The following SNX2 variants were observed in gnomAD, a reference collection of about 807,000 sequenced individuals.
SNX2 encodes the protein sorting nexin 2.
A neutral mutation model predicts 69.9 loss-of-function variants in SNX2; 25 were observed. The observed-to-expected ratio is 0.36, with a 90% CI of 0.26 to 0.50. The LOEUF (loss-of-function observed/expected upper bound fraction) is 0.50. Among genes scored for constraint, SNX2 ranks in the 20% least tolerant of loss-of-function variants. The pLI is 0.97. For missense variants in SNX2, 551 were observed against 613.3 expected, an observed-to-expected ratio of 0.90 and a Z score of 1.07; for synonymous variants, 229 against 200.4, an observed-to-expected ratio of 1.14 and a Z score of -1.20.
chr5:122,823,779 C>CGTGTGTGTGTGTGTGTGTGT (rs10559762), intron 11 of SNX2, among the ~76,000 whole-genome samples: 1 of 145,930 alleles, frequency 6.9e-6, no homozygotes, highest in African/African-American at 2.5e-5. Flanking sequence ...AACATGTGGT[C>CGTGTGTGTGTGTGTGTGTGT]GTGTGTGTGT....
At chr5:122,802,195 T>A in intron 5 of SNX2, 71 bp downstream of exon 5, 2 of 1,286,148 alleles carry the variant, frequency 1.6e-6, no homozygotes, top group Non-Finnish European at 2.3e-6. Flanking sequence ...TGGCTATGAT[T>A]AAGGTAGAAG....
At chr5:122,792,077 A>G (rs1753254193) in intron 1 of SNX2, among the ~76,000 whole-genome samples, 1 of 152,210 alleles carries the variant, frequency 6.6e-6, no homozygotes, top group Non-Finnish European at 1.5e-5. Flanking sequence ...CTTCAAGTGA[A>G]AGTTGCTAAG....
intron 6 of SNX2, chr5:122,803,817 TTTTG>T (rs764661101): frequency 1.2e-5 from 6 of 480,700 alleles, no homozygotes; most frequent in Non-Finnish European, 1.8e-5. Context: ...ACTTGAGGAT[TTTTG>T]TTTATGTAAT....
At chr5:122,813,767 CTTTTTTT>C (rs546503535) in intron 7 of SNX2, among the ~76,000 whole-genome samples, 3 of 115,372 alleles carry the variant, frequency 2.6e-5, no homozygotes, top group East Asian at 2.7e-4. Context: ...AGAATATTTC[CTTTTTTT>C]TTTTTTTTTT....
At chr5:122,784,670 G>A (rs950018500) in intron 1 of SNX2, among the ~76,000 whole-genome samples, 2 of 151,940 alleles carry the variant, frequency 1.3e-5, no homozygotes, top group Non-Finnish European at 2.9e-5. Context: ...TTAGGCTTTT[G>A]TGTCTGTGTT....
At chr5:122,798,321 C>T (rs2150006895) in intron 2 of SNX2, among the ~76,000 whole-genome samples, 1 of 152,186 alleles carries the variant, frequency 6.6e-6, no homozygotes, top group South Asian at 2.1e-4. Flanking sequence ...CATTTTCCTT[C>T]CTCTGGTTAC....
rs752198270 is a variant in SNX2 at position 122,831,944 on chromosome 5, A to G, written c.*2296A>G. Among the ~76,000 whole-genome samples, 7 of 152,214 alleles carry G rather than the reference A, an allele frequency of 4.6e-5. No individual in the cohort carries two copies. Among genetic ancestry groups the G allele is most frequent in the Non-Finnish European group, 8.8e-5 (6 of 68,036 alleles). On this transcript the variant is annotated 3_prime_UTR_variant, in exon 15 of 15. Coordinates refer to ENST00000379516, the MANE Select transcript of SNX2 (RefSeq NM_003100.4). ...GTGTGCTGGAAATTTCAAGTATTAT[A>G]TGAGCCTCTGATACCTACCAGTATT...
chr5:122,787,717 G>A (rs2150002296), intron 1 of SNX2, among the ~76,000 whole-genome samples: 1 of 152,178 alleles, frequency 6.6e-6, no homozygotes, highest in South Asian at 2.1e-4. Context: ...TCCACTCTTG[G>A]GCTCTGGACT....
upstream of SNX2, chr5:122,775,075 A>T: frequency 6.4e-7 from 1 of 1,561,936 alleles, no homozygotes; most frequent in Non-Finnish European, 8.7e-7. Flanking sequence ...CGCGAGGCCC[A>T]GCTCGCGCAG....
At chr5:122,809,988 A>T (rs1753733107) in intron 7 of SNX2, among the ~76,000 whole-genome samples, 1 of 152,100 alleles carries the variant, frequency 6.6e-6, no homozygotes, top group Admixed American at 6.6e-5. Context: ...AATAAAGGTA[A>T]ATCGGATGGT....
At chr5:122,778,747 A>T (rs1752907606) in intron 1 of SNX2, among the ~76,000 whole-genome samples, 2 of 152,106 alleles carry the variant, frequency 1.3e-5, no homozygotes, top group East Asian at 3.8e-4. Context: ...CATTTCCTTG[A>T]TGATTAGTGA....
intron 1 of SNX2, among the ~76,000 whole-genome samples, chr5:122,779,688 C>T (rs1309346379): frequency 6.6e-6 from 1 of 152,172 alleles, no homozygotes; most frequent in Non-Finnish European, 1.5e-5. Flanking sequence ...GAAGAGTTGC[C>T]AGACTGGTTT....
chr5:122,819,154 A>G lies in SNX2; in HGVS notation c.1212+131A>G, dbSNP rs143762517. ...TGAATAAAATGGCTTCAAGATAAGT[A>G]TACATAACTTAATACTTTCTTCCCT... On this transcript the variant is annotated intron_variant, in intron 11 of 14. Transcript: ENST00000379516. The G allele has an allele frequency of 3.0e-4, 197 of 657,720 alleles. No homozygotes were observed. The African/African-American group carries it at 3.3e-3, about 11-fold the overall frequency. The allele number at this position is 657,720 out of a possible 1,614,324, so 40.7% of individuals were successfully genotyped here. A position where few individuals can be genotyped will look rare whatever the true frequency, so the allele number is the denominator to read the frequency against.
chr5:122,808,914 TAC>T (rs1342514528), intron 7 of SNX2, among the ~76,000 whole-genome samples: 3 of 152,138 alleles, frequency 2.0e-5, no homozygotes, highest in East Asian at 3.8e-4. Context: ...CAGTGAGAAG[TAC>T]AGTTTGTGCC....
chr5:122,814,071 C>T (rs1753844417), intron 7 of SNX2, among the ~76,000 whole-genome samples: 2 of 152,110 alleles, frequency 1.3e-5, no homozygotes, highest in South Asian at 4.1e-4. Flanking sequence ...CAGAATATTT[C>T]TTAGAGGTTA....
At chr5:122,820,064 G>A (rs1482495154) in intron 11 of SNX2, among the ~76,000 whole-genome samples, 1 of 152,158 alleles carries the variant, frequency 6.6e-6, no homozygotes, top group African/African-American at 2.4e-5. Flanking sequence ...AATTGTCAGA[G>A]TATATATACT....
chr5:122,783,702 G>A lies in SNX2; in HGVS notation c.108+8491G>A, dbSNP rs192256902. 1.9e-4 allele frequency among the ~76,000 whole-genome samples: 29 copies of A among 152,156 alleles called. No homozygotes were observed. The East Asian group carries it at 4.4e-3, about 23-fold the overall frequency. On this transcript the variant is annotated intron_variant, in intron 1 of 14. Coordinates refer to ENST00000379516, the MANE Select transcript of SNX2 (RefSeq NM_003100.4). Reference sequence around the variant, plus strand: ...TTAATCTGAATCTTGAAATCAAGTCGAATGACTCCTCTAACTTTGTTATTT... The same window carrying A: ...TTAATCTGAATCTTGAAATCAAGTCAAATGACTCCTCTAACTTTGTTATTT...
chr5:122,810,595 AT>A (rs1444239719), intron 7 of SNX2, among the ~76,000 whole-genome samples: 1 of 152,180 alleles, frequency 6.6e-6, no homozygotes, highest in Non-Finnish European at 1.5e-5. Context: ...AGGACATATA[AT>A]TTGATTCTAC....
intron 6 of SNX2, among the ~76,000 whole-genome samples, chr5:122,806,124 A>G (rs879509874): frequency 0.04 from 2,043 of 50,796 alleles, 24 homozygotes; most frequent in Non-Finnish European, 0.051. Context: ...GTGTGTGTAT[A>G]TATATACACA....
Sources: allele counts gnomAD v4.1 joint callset (sites outside exome capture counted in the v4.1 genomes callset), GRCh38; gene constraint gnomAD v4.1.1; transcripts MANE v1.5; gene names NCBI Gene and HGNC (gene_info 2026-07-23, HGNC 2026-07-21).